The following ATP2B2 variants were observed in gnomAD, a reference collection of about 807,000 sequenced individuals.
ATP2B2 encodes plasma membrane calcium-transporting ATPase 2.
In ATP2B2, 15 loss-of-function variants were observed where a neutral mutation model predicts 120.0. That is an observed-to-expected ratio of 0.12 (90% CI 0.08 to 0.19). The LOEUF (loss-of-function observed/expected upper bound fraction) is 0.19. ATP2B2 is among the 10% of genes least tolerant of loss of function. The pLI is 1.00. For missense variants in ATP2B2, 1,045 were observed against 1,719.8 expected, an observed-to-expected ratio of 0.61 and a Z score of 6.94; for synonymous variants, 694 against 700.3, an observed-to-expected ratio of 0.99 and a Z score of 0.14.
intron 1 of ATP2B2, among the ~76,000 whole-genome samples, chr3:10,696,940 TC>T (rs1392808522): frequency 4.6e-5 from 7 of 152,064 alleles, no homozygotes; most frequent in African/African-American, 1.4e-4. Context: ...TAAGAATAGC[TC>T]CATTATTAAA....
At chr3:10,332,221 C>A (rs761441891) in intron 22 of ATP2B2, 56 of 589,148 alleles carry the variant, frequency 9.5e-5, no homozygotes, top group Non-Finnish European at 1.6e-4. Flanking sequence ...AAACTCCTTG[C>A]CCTAGGAGTC....
At chr3:10,451,889 C>T (rs1158896236) in intron 1 of ATP2B2, among the ~76,000 whole-genome samples, 2 of 152,204 alleles carry the variant, frequency 1.3e-5, no homozygotes, top group Non-Finnish European at 2.9e-5. Flanking sequence ...TACTCCCCTG[C>T]CATTTCTTAA....
chr3:10,578,721 C>T lies in ATP2B2; in HGVS notation c.-415+41196G>A, dbSNP rs117618608. Among the ~76,000 whole-genome samples the T allele has an allele frequency of 3.2e-3, 483 of 152,270 alleles. 22 individuals carry two copies. The East Asian group carries it at 0.079, about 25-fold the overall frequency. On this transcript the variant is annotated intron_variant, in intron 2 of 21. Coordinates refer to the ATP2B2 transcript ENST00000646379. The stretch of plus-strand genomic sequence containing the variant: ...TGTAGTCTGACAATGAAATACTACA[C>T]GGCTCTGAAAATGAATGGACCATTG...
chr3:10,683,758 G>GTGTATATATATATATATATATATATATA (rs2071442060), intron 1 of ATP2B2, among the ~76,000 whole-genome samples: 1 of 33,636 alleles, frequency 3.0e-5, no homozygotes, highest in Non-Finnish European at 6.0e-5. Flanking sequence ...ATGTGTGTGT[G>GTGTATATATATATATATATATATATATA]TGTATATATA....
At chr3:10,691,775 G>A (rs1482026726) in intron 1 of ATP2B2, among the ~76,000 whole-genome samples, 2 of 152,220 alleles carry the variant, frequency 1.3e-5, no homozygotes, top group Non-Finnish European at 2.9e-5. Context: ...CTACATGTCT[G>A]CACTTAGGAG....
At position 10,425,957 on chromosome 3, in the gene ATP2B2, AGAG is replaced by A. The variant is rs370519350; in HGVS notation, c.200-15145_200-15143del. ...CCACTGCAGGCAGAGAAAATCCATT[AGAG>A]AAGATCCAGAAGGCCCTGCACAGAG... On this transcript the variant is annotated intron_variant, in intron 2 of 22. Transcript: ENST00000360273. 2.4e-3 allele frequency among the ~76,000 whole-genome samples: 359 copies of A among 152,324 alleles called. 2 individuals are homozygous for A. Among genetic ancestry groups the A allele is most frequent in the African/African-American group, 8.4e-3 (351 of 41,580 alleles).
At chr3:10,622,188 G>A (rs1254106212) in intron 1 of ATP2B2, among the ~76,000 whole-genome samples, 1 of 152,196 alleles carries the variant, frequency 6.6e-6, no homozygotes, top group African/African-American at 2.4e-5. Flanking sequence ...GTAGACTGTA[G>A]TGTCATCCTA....
At chr3:10,510,544 T>C (rs546005470), upstream of ATP2B2, among the ~76,000 whole-genome samples, 1 of 152,326 alleles carries the variant, frequency 6.6e-6, no homozygotes, top group African/African-American at 2.4e-5. Context: ...CCACACAGCT[T>C]AGAAAACCTT....
At chr3:10,568,001 C>T (rs1444790774) in intron 2 of ATP2B2, among the ~76,000 whole-genome samples, 2 of 152,178 alleles carry the variant, frequency 1.3e-5, no homozygotes, top group Non-Finnish European at 2.9e-5. Flanking sequence ...TTGGCCAACT[C>T]CAAAAATGAC....
At chr3:10,462,759 T>A (rs1559367977) in intron 1 of ATP2B2, among the ~76,000 whole-genome samples, 1 of 152,194 alleles carries the variant, frequency 6.6e-6, no homozygotes, top group Non-Finnish European at 1.5e-5. Context: ...TGTCTCTGGA[T>A]TAAAAATTTT....
intron 3 of ATP2B2, among the ~76,000 whole-genome samples, chr3:10,513,175 G>C (rs1419586485): frequency 6.6e-6 from 1 of 152,030 alleles, no homozygotes; most frequent in Non-Finnish European, 1.5e-5. Context: ...AGGCCCCGGT[G>C]TCTCTGGCAA....
At chr3:10,701,586 C>G (rs2071819760) in intron 1 of ATP2B2, among the ~76,000 whole-genome samples, 1 of 151,954 alleles carries the variant, frequency 6.6e-6, no homozygotes. Flanking sequence ...TTATTAACCA[C>G]CTACTATGTG....
chr3:10,561,780 T>C (rs2067908865), intron 2 of ATP2B2, among the ~76,000 whole-genome samples: 1 of 152,250 alleles, frequency 6.6e-6, no homozygotes, highest in South Asian at 2.1e-4. Context: ...GCCTTTTGCC[T>C]TCCGCCATGA....
intron 2 of ATP2B2, among the ~76,000 whole-genome samples, chr3:10,425,093 C>T (rs1460338392): frequency 6.6e-6 from 1 of 151,492 alleles, no homozygotes; most frequent in Non-Finnish European, 1.5e-5. Context: ...GAGTTTGAGA[C>T]CAGCCTAGCC....
chr3:10,565,741 C>T (rs1404180785), intron 2 of ATP2B2, among the ~76,000 whole-genome samples: 1 of 152,172 alleles, frequency 6.6e-6, no homozygotes, highest in African/African-American at 2.4e-5. Context: ...CTTGGCTTCA[C>T]CTATTGCTAG....
chr3:10,640,073 C>T (rs902449499), intron 1 of ATP2B2, among the ~76,000 whole-genome samples: 3 of 152,154 alleles, frequency 2.0e-5, no homozygotes, highest in African/African-American at 7.2e-5. Context: ...GGATGGTTGG[C>T]CACCCCAGTG....
chr3:10,543,685 G>A (rs1010012987), intron 2 of ATP2B2, among the ~76,000 whole-genome samples: 6 of 151,332 alleles, frequency 4.0e-5, no homozygotes, highest in African/African-American at 1.2e-4. Context: ...TTCTAGTATT[G>A]TAAATTTGGA....
intron 1 of ATP2B2, among the ~76,000 whole-genome samples, chr3:10,646,548 G>A (rs996194906): frequency 5.3e-5 from 8 of 151,974 alleles, no homozygotes; most frequent in Admixed American, 5.2e-4. Context: ...TAGGCTCTGT[G>A]AGCTCTTAAG....
At chr3:10,648,879 A>G (rs929193558) in intron 1 of ATP2B2, among the ~76,000 whole-genome samples, 1 of 152,180 alleles carries the variant, frequency 6.6e-6, no homozygotes, top group African/African-American at 2.4e-5. Context: ...TCTGGGCCAC[A>G]GCAGAAGCTT....
Sources: gnomAD v4.1 joint callset for allele counts (sites outside exome capture counted in the v4.1 genomes callset) on GRCh38, gnomAD v4.1.1 for gene constraint, MANE v1.5 for transcripts, NCBI Gene and HGNC (gene_info 2026-07-23, HGNC 2026-07-21) for gene names.